CELF2: variants seen among roughly 807,000 people sequenced by gnomAD.
The protein encoded by CELF2 is CUGBP Elav-like family member 2.
A neutral mutation model predicts 62.6 loss-of-function variants in CELF2; 8 were observed. That is an observed-to-expected ratio of 0.13 (90% CI 0.07 to 0.23). The LOEUF (loss-of-function observed/expected upper bound fraction) is 0.23. Among genes scored for constraint, CELF2 ranks in the 10% least tolerant of loss-of-function variants. CELF2 has a pLI of 1.00. For missense variants in CELF2, 333 were observed against 671.0 expected (o/e 0.50, Z 5.56); for synonymous variants, 258 against 250.0 (o/e 1.03, Z -0.30).
chr10:10,822,819 T>C (rs1443268968), intron 1 of CELF2, among the ~76,000 whole-genome samples: 1 of 152,200 alleles, frequency 6.6e-6, no homozygotes, highest in African/African-American at 2.4e-5. Context: ...ATTATTTACT[T>C]ATTATAGATT....
At chr10:10,872,441 T>C (rs1295240080) in intron 1 of CELF2, among the ~76,000 whole-genome samples, 1 of 152,238 alleles carries the variant, frequency 6.6e-6, no homozygotes, top group Non-Finnish European at 1.5e-5. Context: ...TATGGATTTT[T>C]TTAAGTACAA....
chr10:10,665,661 C>T, the CELF2 span, among the ~76,000 whole-genome samples: 43 of 152,140 alleles, frequency 2.8e-4, no homozygotes, highest in African/African-American at 1.0e-3. Context: ...TTATTTAATC[C>T]TGATTTCAGT....
chr10:10,472,238 T>A, the CELF2 span, among the ~76,000 whole-genome samples: 2 of 151,820 alleles, frequency 1.3e-5, no homozygotes, highest in Non-Finnish European at 2.9e-5. Flanking sequence ...TGAGTGATAC[T>A]CTTCCACAAG....
At chr10:10,726,271 C>T in the CELF2 span, among the ~76,000 whole-genome samples, 12 of 152,284 alleles carry the variant, frequency 7.9e-5, no homozygotes, top group East Asian at 2.1e-3. Context: ...GAGGGTGGCA[C>T]GGCTTTTTCC....
chr10:10,719,651 C>A, the CELF2 span, among the ~76,000 whole-genome samples: 1 of 152,142 alleles, frequency 6.6e-6, no homozygotes, highest in East Asian at 1.9e-4. Context: ...ACCCTAGAGC[C>A]AATTGCTCTT....
chr10:10,662,094 A>G, the CELF2 span, among the ~76,000 whole-genome samples: 1 of 152,280 alleles, frequency 6.6e-6, no homozygotes, highest in Non-Finnish European at 1.5e-5. Context: ...AGCCATTAAC[A>G]GCCAGCACAC....
At chr10:10,619,586 G>T in the CELF2 span, among the ~76,000 whole-genome samples, 555 of 152,278 alleles carry the variant, frequency 3.6e-3, 2 homozygotes, top group Non-Finnish European at 6.1e-3. Flanking sequence ...AGGCTTCCAT[G>T]TTCCCTATGG....
intron 2 of CELF2, among the ~76,000 whole-genome samples, chr10:11,185,336 A>G (rs654751): frequency 0.23 from 34,643 of 151,958 alleles, 4,853 homozygotes; most frequent in East Asian, 0.68. Flanking sequence ...CACCACACCC[A>G]GCTATATTGA....
chr10:10,683,816 G>T, the CELF2 span, among the ~76,000 whole-genome samples: 44 of 152,274 alleles, frequency 2.9e-4, no homozygotes, highest in African/African-American at 8.4e-4. Flanking sequence ...TAACTGAGAA[G>T]GTGACAAAAA....
At chr10:10,577,595 T>C in the CELF2 span, among the ~76,000 whole-genome samples, 1 of 150,696 alleles carries the variant, frequency 6.6e-6, no homozygotes, top group Admixed American at 6.6e-5. Flanking sequence ...CACCTATGAG[T>C]GAGAACATGC....
Position 10,995,158 on chromosome 10 carries a change from G to A in CELF2, c.89+75159G>A, listed in dbSNP as rs983676803. On this transcript the variant is annotated intron_variant, in intron 2 of 13. Coordinates refer to the CELF2 transcript ENST00000636488. This position sits in a 1 kb window ranked among gnomAD's most constrained non-coding sequence, Gnocchi z 4.7. ...TCCTTAAGGGCAGGAGCTATGCCCC[G>A]TGCCTCTTTTGAATCCTCCTTAGAG... 2.0e-5 allele frequency among the ~76,000 whole-genome samples: 3 copies of A among 152,152 alleles called. No individual in the cohort carries two copies. The highest frequency in any genetic ancestry group is 2.1e-4 in the South Asian group (1 of 4,822).
chr10:10,909,861 G>C (rs879592640), intron 1 of CELF2, among the ~76,000 whole-genome samples: 13,502 of 152,194 alleles, frequency 0.089, 1,287 homozygotes, highest in African/African-American at 0.24. Flanking sequence ...GAAAGAGGGG[G>C]CTCATGTTTA....
chr10:11,225,040 A>C (rs181598247), intron 3 of CELF2, among the ~76,000 whole-genome samples: 2 of 152,270 alleles, frequency 1.3e-5, no homozygotes, highest in East Asian at 3.9e-4. Context: ...GCTCGTTTCA[A>C]CCATAAATGG....
At chr10:10,629,347 G>T in the CELF2 span, among the ~76,000 whole-genome samples, 1 of 152,204 alleles carries the variant, frequency 6.6e-6, no homozygotes, top group African/African-American at 2.4e-5. Context: ...TTCAAGTTAA[G>T]ATTTTTTTCC....
rs2075115630 is a variant in CELF2 at position 11,244,806 on chromosome 10, C to T, written c.355-4347C>T. On this transcript the variant is annotated intron_variant, in intron 3 of 12. Coordinates refer to ENST00000633077, the MANE Select transcript of CELF2 (RefSeq NM_001326342.2). This position sits in a 1 kb window ranked among gnomAD's most constrained non-coding sequence, Gnocchi z 4.2. ...TAAATTGTTCTTTTCCCTGAAATGT[C>T]CTTTCCACATCTTCCGGTTAACATG... 6.6e-6 allele frequency among the ~76,000 whole-genome samples: 1 copy of T among 152,156 alleles called. No homozygotes were observed. The highest frequency in any genetic ancestry group is 1.5e-5 in the Non-Finnish European group (1 of 68,018).
At chr10:10,587,093 A>G in the CELF2 span, among the ~76,000 whole-genome samples, 1 of 152,152 alleles carries the variant, frequency 6.6e-6, no homozygotes, top group Non-Finnish European at 1.5e-5. Context: ...GGTTTGTCCT[A>G]GTATCCGTGT....
chr10:10,562,597 C>T, the CELF2 span, among the ~76,000 whole-genome samples: 2 of 152,174 alleles, frequency 1.3e-5, no homozygotes, highest in African/African-American at 2.4e-5. Flanking sequence ...CTAGCGACCT[C>T]ACCGTGTCTC....
the CELF2 span, among the ~76,000 whole-genome samples, chr10:10,595,489 G>A: frequency 6.6e-6 from 1 of 152,148 alleles, no homozygotes; most frequent in Non-Finnish European, 1.5e-5. Context: ...CTTAAACAGT[G>A]GACCAAATTG....
chr10:11,041,071 T>C (rs774662155), intron 1 of CELF2, among the ~76,000 whole-genome samples: 3 of 152,232 alleles, frequency 2.0e-5, no homozygotes, highest in Non-Finnish European at 4.4e-5. Context: ...TGGTTCTTGG[T>C]GAGGGCTCTC....
Sources: gnomAD v4.1 joint callset for allele counts (sites outside exome capture counted in the v4.1 genomes callset) on GRCh38, gnomAD v4.1.1 for gene constraint, Gnocchi (gnomAD v3.1) non-coding constraint, MANE v1.5 for transcripts, NCBI Gene and HGNC (gene_info 2026-07-23, HGNC 2026-07-21) for gene names.